Variants in SIDT1 observed in about 807,000 individuals in gnomAD.
SIDT1 encodes SID1 transmembrane family member 1.
A neutral mutation model predicts 107.5 loss-of-function variants in SIDT1; 101 were observed. The ratio of observed to expected loss-of-function variants is 0.94; its 90% CI spans 0.80 to 1.11. The LOEUF is 1.11. Ranked by LOEUF, SIDT1 falls within the 50% of genes least tolerant of loss-of-function variation. The pLI, the probability that SIDT1 is intolerant of heterozygous loss-of-function variation, is 0.00. For missense variants in SIDT1, 1,076 were observed against 1,058.2 expected (o/e 1.02, Z -0.23); for synonymous variants, 395 against 398.2 (o/e 0.99, Z 0.10).
At chr3:113,593,328 C>T (rs892192237) in intron 10 of SIDT1, among the ~76,000 whole-genome samples, 3 of 152,158 alleles carry the variant, frequency 2.0e-5, no homozygotes, top group East Asian at 1.9e-4. Flanking sequence ...GCAAGTATTA[C>T]CACCTGAACT....
At chr3:113,600,096 G>T (rs931418120) in intron 10 of SIDT1, among the ~76,000 whole-genome samples, 12 of 152,072 alleles carry the variant, frequency 7.9e-5, no homozygotes, top group African/African-American at 2.7e-4. Flanking sequence ...GATCACTTGA[G>T]GTGGGGAGTT....
chr3:113,577,598 G>C (rs1943004431), intron 4 of SIDT1, among the ~76,000 whole-genome samples: 1 of 152,110 alleles, frequency 6.6e-6, no homozygotes, highest in Non-Finnish European at 1.5e-5. Context: ...ATTAAGTCAG[G>C]CTGTTTTTCT....
intron 1 of SIDT1, among the ~76,000 whole-genome samples, chr3:113,550,029 G>C (rs1358510353): frequency 1.3e-5 from 2 of 152,128 alleles, no homozygotes; most frequent in African/African-American, 4.8e-5. Context: ...ACACTATTGT[G>C]TACATGTTCA....
chr3:113,567,670 T>C lies in SIDT1; in HGVS notation c.475T>C (p.Tyr159His), dbSNP rs1020084726. 5.6e-6 allele frequency: 9 copies of C among 1,614,122 alleles called. No homozygotes were observed. In the Middle Eastern group the frequency reaches 6.6e-4, roughly 118 times the overall value. Residue 159 changes from tyrosine to histidine, a missense_variant, in exon 3 of 25, where the codon TAC becomes CAC. Transcript: ENST00000264852. ...VASMAPLGAQ[Y>H]KLLVTKLKHF... ...ATCCATGGCACCCCTGGGTGCTCAG[T>C]ACAAACTGCTAGTTACCAAGCTGAA...
At chr3:113,589,153 G>C (rs1377895918) in intron 9 of SIDT1, among the ~76,000 whole-genome samples, 1 of 152,216 alleles carries the variant, frequency 6.6e-6, no homozygotes, top group Non-Finnish European at 1.5e-5. Context: ...CATGAGGGTA[G>C]TCTAGATTCA....
chr3:113,604,946 C>G lies in SIDT1; in HGVS notation c.1374C>G (p.Pro458=), dbSNP rs3732796. 259 of 1,613,898 alleles carry G rather than the reference C, an allele frequency of 1.6e-4. 1 individual carries two copies. The African/African-American group carries it at 1.9e-3, about 12-fold the overall frequency. Residue 458 remains proline (P), a synonymous_variant, in exon 14 of 25, where the codon CCC becomes CCG. Coordinates refer to ENST00000264852, the MANE Select transcript of SIDT1 (RefSeq NM_017699.3). Reference sequence around the variant, plus strand: ...CCATTGCTGTGTTTTACGCGCTGCCCGTGATCCAGCTGGTCATTACCTATC... The same window carrying G: ...CCATTGCTGTGTTTTACGCGCTGCCGGTGATCCAGCTGGTCATTACCTATC... ...IITIAVFYAL[P]VIQLVITYQT...
intron 19 of SIDT1, among the ~76,000 whole-genome samples, chr3:113,613,064 C>T (rs187699024): frequency 1.1e-4 from 17 of 152,312 alleles, no homozygotes; most frequent in Admixed American, 3.9e-4. Context: ...GGCCTAGGTT[C>T]AAATTTAAAA....
In SIDT1 at chr3:113,584,745, G is replaced by GTGAC; in HGVS notation, c.884_887dup (p.Ile297AspfsTer7). On this transcript the variant is annotated frameshift_variant, in exon 8 of 25. Transcript: ENST00000264852. LOFTEE classifies it high-confidence loss of function. ...TCTACAGCGAAAAAAGAACCTTGAA[G>GTGAC]TGACCATTGTCCCTTCCATTAAAGG... is the stretch of plus-strand genomic sequence containing the variant. 6.2e-7 allele frequency: 1 copy of GTGAC among 1,600,288 alleles called. No individual in the cohort carries two copies. Among genetic ancestry groups the GTGAC allele is most frequent in the Admixed American group, 1.8e-5 (1 of 56,008 alleles).
chr3:113,567,468 C>T, intron 2 of SIDT1, 72 bp from the exon 3 acceptor site: 3 of 1,283,930 alleles, frequency 2.3e-6, no homozygotes, highest in Non-Finnish European at 1.1e-6. Flanking sequence ...GAGATAGGCT[C>T]CTTTCCCTGC....
intron 1 of SIDT1, among the ~76,000 whole-genome samples, chr3:113,559,466 G>T (rs1272501057): frequency 1.3e-5 from 2 of 149,670 alleles, no homozygotes; most frequent in Non-Finnish European, 1.5e-5. Context: ...TTGAGACAGG[G>T]TTTTCACTCC....
intron 4 of SIDT1, among the ~76,000 whole-genome samples, 178 bp downstream of exon 4, chr3:113,577,145 T>C (rs1033827079): frequency 6.6e-6 from 1 of 152,260 alleles, no homozygotes; most frequent in Admixed American, 6.5e-5. Flanking sequence ...GGACACAATA[T>C]TTAATCATAT....
intron 9 of SIDT1, among the ~76,000 whole-genome samples, chr3:113,589,062 A>T (rs1405391732): frequency 1.3e-5 from 2 of 152,226 alleles, no homozygotes; most frequent in Non-Finnish European, 2.9e-5. Context: ...CAGACAGCAG[A>T]AGAGTGCAAG....
chr3:113,629,614 C>T (rs145654582), downstream of SIDT1: 1 of 152,344 alleles, frequency 6.6e-6, no homozygotes, highest in East Asian at 1.9e-4. Flanking sequence ...TCTTAACGCA[C>T]TATGGTTTCT....
intron 1 of SIDT1, among the ~76,000 whole-genome samples, chr3:113,542,399 A>G (rs182010461): frequency 6.6e-6 from 1 of 152,212 alleles, no homozygotes; most frequent in East Asian, 1.9e-4. Context: ...GGTTTTCTAT[A>G]ACTATTTTTC....
intron 14 of SIDT1, chr3:113,606,591 A>G (rs1369340954): frequency 6.5e-6 from 1 of 152,862 alleles, no homozygotes; most frequent in Non-Finnish European, 1.5e-5. Context: ...AGATGGTGAT[A>G]AATAGGGAAA....
At chr3:113,533,331 C>A in intron 1 of SIDT1, 88 bp downstream of exon 1, 1 of 1,049,712 alleles carries the variant, frequency 9.5e-7, no homozygotes, top group Non-Finnish European at 1.3e-6. Context: ...GGGAATTGAC[C>A]TTGGGAGACT....
At chr3:113,624,033 T>A (rs757623521) in intron 23 of SIDT1, among the ~76,000 whole-genome samples, 1 of 152,230 alleles carries the variant, frequency 6.6e-6, no homozygotes, top group Non-Finnish European at 1.5e-5. Flanking sequence ...GAGTAGTTCA[T>A]CTTCTCATCT....
chr3:113,581,515 C>A, intron 6 of SIDT1, 71 bp downstream of exon 6: 1 of 1,224,000 alleles, frequency 8.2e-7, no homozygotes, highest in South Asian at 1.2e-5. Flanking sequence ...ACTGGGCCAG[C>A]ATCCAAAAGG....
At chr3:113,618,153 A>G (rs960814357) in intron 20 of SIDT1, among the ~76,000 whole-genome samples, 5 of 152,188 alleles carry the variant, frequency 3.3e-5, no homozygotes, top group Non-Finnish European at 7.3e-5. Flanking sequence ...TCTTTTTCCA[A>G]AATGTAATTG....
Sources: allele counts gnomAD v4.1 joint callset (sites outside exome capture counted in the v4.1 genomes callset), GRCh38; gene constraint gnomAD v4.1.1; transcripts MANE v1.5; gene names NCBI Gene and HGNC (gene_info 2026-07-23, HGNC 2026-07-21).